SLC16A12: variants seen among roughly 807,000 people sequenced by gnomAD.
The protein encoded by SLC16A12 is monocarboxylate transporter 12.
SLC16A12 carries 17 observed loss-of-function variants against 42.4 expected under a neutral mutation model. The observed-to-expected ratio is 0.40, with a 90% CI of 0.27 to 0.60. The LOEUF (loss-of-function observed/expected upper bound fraction) is 0.60, where lower values mean the gene tolerates loss of function less well. SLC16A12 is among the 20% of genes least tolerant of loss of function. The pLI, the probability that SLC16A12 is intolerant of heterozygous loss-of-function variation, is 0.42. For synonymous variants in SLC16A12, 224 were observed against 229.4 expected (o/e 0.98, Z 0.21); for missense variants, 544 against 623.0 (o/e 0.87, Z 1.35).
Position 89,430,628 on chromosome 10 carries a change from A to C in SLC16A12, c.*2436T>G, listed in dbSNP as rs995183726. 3 of 464,828 alleles carry C rather than the reference A, an allele frequency of 6.5e-6. No homozygotes were observed. Among genetic ancestry groups the C allele is most frequent in the African/African-American group, 6.0e-5 (3 of 49,754 alleles). The allele number at this position is 464,828 out of a possible 1,614,324, so 28.8% of individuals were successfully genotyped here. On this transcript the variant is annotated 3_prime_UTR_variant, in exon 8 of 8. Coordinates refer to ENST00000371790, the MANE Select transcript of SLC16A12 (RefSeq NM_213606.4). Reference sequence around the variant, plus strand: ...CTAAAATTCTGTGTAGAAATGTAAAATAGTAGACCTTAAGATGTACATTTT... The same window carrying C: ...CTAAAATTCTGTGTAGAAATGTAAACTAGTAGACCTTAAGATGTACATTTT...
rs1221600532 is a variant in SLC16A12 at position 89,430,447 on chromosome 10, T to C, written c.*2617A>G. The C allele has an allele frequency of 3.0e-6, 1 of 328,210 alleles. No homozygotes were observed. Among genetic ancestry groups the C allele is most frequent in the East Asian group, 1.1e-4 (1 of 8,710 alleles). 20.3% of individuals were successfully genotyped at this position (328,210 alleles called of 1,614,324 possible). On this transcript the variant is annotated 3_prime_UTR_variant, in exon 8 of 8. Transcript: ENST00000371790. ...TAGATAATGTCTTCTGATTTTCTACTCAGATAATTCCAAAGTAGAGCTTAC... is the reference window on the plus strand; with the variant it reads ...TAGATAATGTCTTCTGATTTTCTACCCAGATAATTCCAAAGTAGAGCTTAC...
rs1842320995 is a variant in SLC16A12 at position 89,462,629 on chromosome 10, A to T, written c.-46-5T>A. The T allele has an allele frequency of 4.5e-6, 7 of 1,538,768 alleles. No individual in the cohort carries two copies. The South Asian group carries it at 6.0e-5, about 13-fold the overall frequency. On this transcript the variant is annotated splice_region_variant and splice_polypyrimidine_tract_variant and intron_variant, in intron 2 of 7. Coordinates refer to ENST00000371790, the MANE Select transcript of SLC16A12 (RefSeq NM_213606.4). ...GGCCCATGGGTTACTCGCCATCTAA[A>T]ACCAAAAATCAGGACATATTTATAT... is the stretch of plus-strand genomic sequence containing the variant.
intron 2 of SLC16A12, among the ~76,000 whole-genome samples, chr10:89,473,470 G>GA (rs1042570264): frequency 9.9e-5 from 15 of 152,116 alleles, no homozygotes; most frequent in Admixed American, 3.9e-4. Context: ...AAAACAGAGG[G>GA]AAAAAAATCT....
At chr10:89,521,674 G>A (rs1200113584) in intron 2 of SLC16A12, among the ~76,000 whole-genome samples, 1 of 152,114 alleles carries the variant, frequency 6.6e-6, no homozygotes, top group East Asian at 1.9e-4. Flanking sequence ...GTGTCACACT[G>A]CACATTACAA....
intron 2 of SLC16A12, among the ~76,000 whole-genome samples, chr10:89,547,894 A>G (rs1161420917): frequency 6.8e-6 from 1 of 147,950 alleles, no homozygotes; most frequent in Non-Finnish European, 1.5e-5. Flanking sequence ...AGGCTGAGGC[A>G]GGAGAATCAC....
chr10:89,479,866 A>G (rs1178504545), intron 2 of SLC16A12, among the ~76,000 whole-genome samples: 1 of 152,226 alleles, frequency 6.6e-6, no homozygotes, highest in Non-Finnish European at 1.5e-5. Context: ...AATAATAGTT[A>G]TATCAAGTAG....
intron 2 of SLC16A12, among the ~76,000 whole-genome samples, chr10:89,516,311 C>T (rs1843249257): frequency 6.6e-6 from 1 of 152,170 alleles, no homozygotes; most frequent in African/African-American, 2.4e-5. Context: ...TCCAGCCCCT[C>T]CCGATGATGT....
chr10:89,531,707 A>G (rs1189275566), intron 2 of SLC16A12, among the ~76,000 whole-genome samples: 2 of 152,202 alleles, frequency 1.3e-5, no homozygotes, highest in Non-Finnish European at 2.9e-5. Context: ...CACAGCCTCA[A>G]CTGGTTCCCA....
In SLC16A12 at chr10:89,432,884, A is replaced by G. The variant is rs756458369; in HGVS notation, c.*180T>C. On this transcript the variant is annotated 3_prime_UTR_variant, in exon 8 of 8. Transcript: ENST00000371790. ...ATCCCAAATGAGAAGGCTCTGGGCT[A>G]GTCCAGCTTTCCTTATTATGTGCTG... The G allele has an allele frequency of 2.4e-6, 2 of 831,798 alleles. No homozygotes were observed. Among genetic ancestry groups the G allele is most frequent in the Non-Finnish European group, 3.6e-6 (2 of 557,884 alleles). The allele number at this position is 831,798 out of a possible 1,614,324, so 51.5% of individuals were successfully genotyped here.
At chr10:89,491,316 C>A (rs1842842815) in intron 2 of SLC16A12, among the ~76,000 whole-genome samples, 2 of 152,194 alleles carry the variant, frequency 1.3e-5, no homozygotes, top group South Asian at 4.1e-4. Flanking sequence ...AGATATACTA[C>A]ATGCCTCACA....
At chr10:89,503,684 G>C (rs1049589355) in intron 2 of SLC16A12, among the ~76,000 whole-genome samples, 1 of 152,158 alleles carries the variant, frequency 6.6e-6, no homozygotes, top group Non-Finnish European at 1.5e-5. Flanking sequence ...TTTCAGAGTC[G>C]CTGGAGAAGG....
upstream of SLC16A12, among the ~76,000 whole-genome samples, chr10:89,537,494 G>A (rs539178731): frequency 1.3e-5 from 2 of 152,256 alleles, no homozygotes; most frequent in East Asian, 1.9e-4. Flanking sequence ...TTAGATTTAA[G>A]TGATGATTAG....
intron 2 of SLC16A12, among the ~76,000 whole-genome samples, chr10:89,506,196 G>A (rs1564593004): frequency 6.6e-6 from 1 of 152,226 alleles, no homozygotes; most frequent in African/African-American, 2.4e-5. Flanking sequence ...GAGAGCAGTA[G>A]TTCTCCCAGC....
chr10:89,474,618 A>C (rs981420852), intron 2 of SLC16A12, among the ~76,000 whole-genome samples: 1 of 151,956 alleles, frequency 6.6e-6, no homozygotes, highest in African/African-American at 2.4e-5. Context: ...GCTTCTCTCT[A>C]AACAGCGCAC....
At chr10:89,506,922 T>C (rs560414701) in intron 2 of SLC16A12, among the ~76,000 whole-genome samples, 3 of 152,006 alleles carry the variant, frequency 2.0e-5, no homozygotes, top group African/African-American at 7.2e-5. Context: ...AAGAACTTAG[T>C]GAAGCATACA....
chr10:89,506,265 T>C (rs1843060172), intron 2 of SLC16A12, among the ~76,000 whole-genome samples: 1 of 152,188 alleles, frequency 6.6e-6, no homozygotes, highest in African/African-American at 2.4e-5. Flanking sequence ...CCTGACCCCA[T>C]GTAGCCTGAC....
chr10:89,479,033 T>C (rs1384497862), intron 2 of SLC16A12, among the ~76,000 whole-genome samples: 1 of 152,222 alleles, frequency 6.6e-6, no homozygotes, highest in African/African-American at 2.4e-5. Context: ...CTCTTACTTA[T>C]GGACTGACCT....
rs138123159 is a variant in SLC16A12, at chr10:89,533,143, TTTG to T, written c.-47+1355_-47+1357del. ...AAGTAACTTCACCTGAATTTGTTTT[TTTG>T]TTGTTGTTGTTGTCGTTTTTAGTTT... On this transcript the variant is annotated intron_variant, in intron 2 of 7. Coordinates refer to ENST00000371790, the MANE Select transcript of SLC16A12 (RefSeq NM_213606.4). 7.6e-3 allele frequency among the ~76,000 whole-genome samples: 1,146 copies of T among 151,658 alleles called. 7 individuals carry two copies. The highest frequency in any genetic ancestry group is 0.027 in the African/African-American group (1,097 of 41,112).
chr10:89,502,343 G>C (rs1049816080), intron 2 of SLC16A12, among the ~76,000 whole-genome samples: 13 of 152,040 alleles, frequency 8.6e-5, no homozygotes, highest in Admixed American at 3.3e-4. Flanking sequence ...CCAGCTACTT[G>C]GGAGGCTGAG....
Sources: allele counts gnomAD v4.1 joint callset (sites outside exome capture counted in the v4.1 genomes callset), GRCh38; gene constraint gnomAD v4.1.1; transcripts MANE v1.5; gene names NCBI Gene and HGNC (gene_info 2026-07-23, HGNC 2026-07-21).